NOS1AP: variants seen among roughly 807,000 people sequenced by gnomAD.
NOS1AP encodes the protein nitric oxide synthase 1 adaptor protein.
NOS1AP carries 21 observed loss-of-function variants against 56.2 expected under a neutral mutation model. The observed-to-expected ratio is 0.37, with a 90% CI of 0.26 to 0.54. NOS1AP has a LOEUF of 0.54. Among genes scored for constraint, NOS1AP ranks in the 20% least tolerant of loss-of-function variants. The pLI, the probability that NOS1AP is intolerant of heterozygous loss-of-function variation, is 0.84. For synonymous variants in NOS1AP, 270 were observed against 274.6 expected (o/e 0.98, Z 0.17); for missense variants, 522 against 657.8 (o/e 0.79, Z 2.26).
intron 2 of NOS1AP, among the ~76,000 whole-genome samples, chr1:162,175,305 A>G (rs1651007087): frequency 1.3e-5 from 2 of 152,342 alleles, no homozygotes; most frequent in Non-Finnish European, 2.9e-5. Context: ...GTCCTCTCCC[A>G]TTTATTGCTT....
intron 8 of NOS1AP, among the ~76,000 whole-genome samples, chr1:162,358,438 G>A (rs1657773736): frequency 6.6e-6 from 1 of 152,164 alleles, no homozygotes; most frequent in African/African-American, 2.4e-5. Flanking sequence ...AGTTATCGGA[G>A]TCTTTTTAAA....
intron 2 of NOS1AP, among the ~76,000 whole-genome samples, chr1:162,219,179 G>A (rs1652682988): frequency 6.6e-6 from 1 of 152,162 alleles, no homozygotes; most frequent in African/African-American, 2.4e-5. Flanking sequence ...CTTATAAAAT[G>A]GGAATAAGTA....
intron 2 of NOS1AP, among the ~76,000 whole-genome samples, chr1:162,249,917 G>A (rs1264844142): frequency 6.6e-6 from 1 of 152,188 alleles, no homozygotes; most frequent in Non-Finnish European, 1.5e-5. Flanking sequence ...CAGTGAATGG[G>A]CCTTTTGCAG....
intron 2 of NOS1AP, among the ~76,000 whole-genome samples, chr1:162,247,082 C>T (rs1653689312): frequency 6.6e-6 from 1 of 152,032 alleles, no homozygotes; most frequent in Admixed American, 6.6e-5. Flanking sequence ...TGAATTGGTC[C>T]TGGGTTTCTG....
At chr1:162,158,759 C>T (rs1190799517) in intron 2 of NOS1AP, among the ~76,000 whole-genome samples, 1 of 152,092 alleles carries the variant, frequency 6.6e-6, no homozygotes, top group Non-Finnish European at 1.5e-5. Context: ...CTGATCTCTA[C>T]AATGACCCAG....
At chr1:162,151,970 G>T (rs1015961496) in intron 1 of NOS1AP, among the ~76,000 whole-genome samples, 10 of 152,108 alleles carry the variant, frequency 6.6e-5, no homozygotes, top group African/African-American at 2.4e-4. Flanking sequence ...TTACTTGTGG[G>T]GTGAAGATGG....
chr1:162,304,604 T>G (rs1347159703), intron 4 of NOS1AP, among the ~76,000 whole-genome samples: 1 of 152,186 alleles, frequency 6.6e-6, no homozygotes, highest in Non-Finnish European at 1.5e-5. Flanking sequence ...ACTCACACAG[T>G]AGGCTCTCTG....
intron 2 of NOS1AP, among the ~76,000 whole-genome samples, chr1:162,212,645 G>A (rs1319685410): frequency 2.6e-5 from 4 of 152,110 alleles, no homozygotes; most frequent in African/African-American, 9.7e-5. Context: ...AAAAGCTTCG[G>A]GATTTTAGTG....
intron 2 of NOS1AP, among the ~76,000 whole-genome samples, chr1:162,179,356 C>T (rs748001393): frequency 6.6e-6 from 1 of 152,182 alleles, no homozygotes; most frequent in Non-Finnish European, 1.5e-5. Flanking sequence ...AGCCGGCTAG[C>T]TGGCTTTCAA....
chr1:162,309,438 G>A (rs1557872703), intron 4 of NOS1AP, among the ~76,000 whole-genome samples: 1 of 152,220 alleles, frequency 6.6e-6, no homozygotes, highest in East Asian at 1.9e-4. Flanking sequence ...GCAGAAGACA[G>A]TGAATTATCT....
At chr1:162,340,673 G>C (rs1369593869) in intron 5 of NOS1AP, among the ~76,000 whole-genome samples, 1 of 152,182 alleles carries the variant, frequency 6.6e-6, no homozygotes, top group East Asian at 1.9e-4. Flanking sequence ...AGGATAGGAA[G>C]GAAATGGGAG....
At chr1:162,164,069 T>G (rs1352101407) in intron 2 of NOS1AP, among the ~76,000 whole-genome samples, 1 of 152,248 alleles carries the variant, frequency 6.6e-6, no homozygotes, top group Non-Finnish European at 1.5e-5. Flanking sequence ...TTTGCTTTAT[T>G]ACAGTTATTT....
chr1:162,309,922 T>C (rs1377486644), intron 4 of NOS1AP, among the ~76,000 whole-genome samples: 1 of 152,224 alleles, frequency 6.6e-6, no homozygotes, highest in Non-Finnish European at 1.5e-5. Context: ...CTGGGATATG[T>C]AAGTGGAATC....
At chr1:162,358,155 A>G (rs995336170) in intron 8 of NOS1AP, among the ~76,000 whole-genome samples, 1 of 152,216 alleles carries the variant, frequency 6.6e-6, no homozygotes, top group African/African-American at 2.4e-5. Context: ...AGACTTCTCC[A>G]GGGAGCACTT....
At chr1:162,216,540 A>G (rs1474428754) in intron 2 of NOS1AP, among the ~76,000 whole-genome samples, 1 of 152,138 alleles carries the variant, frequency 6.6e-6, no homozygotes, top group African/African-American at 2.4e-5. Context: ...GAGTCCTGCT[A>G]TGTACTTTAG....
chr1:162,223,429 G>C (rs12124745), intron 2 of NOS1AP, among the ~76,000 whole-genome samples: 41,013 of 151,944 alleles, frequency 0.27, 5,719 homozygotes, highest in East Asian at 0.39. Context: ...GTGTGTAGGG[G>C]TGGGGTGGGG....
chr1:162,132,458 GA>G (rs1352313852), intron 1 of NOS1AP, among the ~76,000 whole-genome samples: 3 of 152,298 alleles, frequency 2.0e-5, no homozygotes, highest in African/African-American at 4.8e-5. Flanking sequence ...GATCTTTGTA[GA>G]AAGATAAAGT....
intron 2 of NOS1AP, among the ~76,000 whole-genome samples, chr1:162,270,911 C>T (rs1654563686): frequency 6.6e-6 from 1 of 152,080 alleles, no homozygotes. Context: ...TGAGGCTCGT[C>T]CACTGAACCC....
intron 2 of NOS1AP, among the ~76,000 whole-genome samples, chr1:162,216,645 C>T (rs909351328): frequency 6.6e-6 from 1 of 152,108 alleles, no homozygotes; most frequent in Non-Finnish European, 1.5e-5. Context: ...TTGCAGATAG[C>T]ATGACAAACC....
Sources: gnomAD v4.1 joint callset for allele counts (sites outside exome capture counted in the v4.1 genomes callset) on GRCh38, gnomAD v4.1.1 for gene constraint, MANE v1.5 for transcripts, NCBI Gene and HGNC (gene_info 2026-07-23, HGNC 2026-07-21) for gene names.